Variants in ERC1 observed in about 807,000 individuals in gnomAD.
ERC1 encodes the protein ELKS/RAB6-interacting/CAST family member 1.
A neutral mutation model predicts 132.0 loss-of-function variants in ERC1; 56 were observed. That is an observed-to-expected ratio of 0.42 (90% CI 0.34 to 0.53). The LOEUF is 0.53. ERC1 is among the 20% of genes least tolerant of loss of function. ERC1 has a pLI of 0.03. For missense variants in ERC1, 1,202 were observed against 1,349.9 expected, an observed-to-expected ratio of 0.89 and a Z score of 1.72; for synonymous variants, 478 against 476.1, an observed-to-expected ratio of 1.00 and a Z score of -0.05.
intron 7 of ERC1, among the ~76,000 whole-genome samples, chr12:1,127,353 T>C (rs555573251): frequency 6.6e-6 from 1 of 152,258 alleles, no homozygotes; most frequent in Admixed American, 6.5e-5. Flanking sequence ...CACAGTATTA[T>C]TTGTGGGAAG....
At chr12:1,485,086 G>A (rs998468864) in intron 18 of ERC1, among the ~76,000 whole-genome samples, 8 of 149,872 alleles carry the variant, frequency 5.3e-5, no homozygotes, top group South Asian at 2.1e-4. Flanking sequence ...ATGGGGTCTC[G>A]CTGTGTTGCG....
chr12:1,005,447 C>T (rs1180298165), intron 1 of ERC1, among the ~76,000 whole-genome samples: 1 of 152,136 alleles, frequency 6.6e-6, no homozygotes, highest in Non-Finnish European at 1.5e-5. Context: ...GGCCCCTTTT[C>T]TAAACTTTTA....
chr12:1,148,011 C>T (rs192776138), intron 8 of ERC1, among the ~76,000 whole-genome samples: 15 of 152,156 alleles, frequency 9.9e-5, no homozygotes, highest in Admixed American at 2.6e-4. Flanking sequence ...TGAAAGATTG[C>T]GTGGGTCTTC....
At chr12:1,230,975 G>A (rs148520868) in intron 12 of ERC1, among the ~76,000 whole-genome samples, 103 of 152,092 alleles carry the variant, frequency 6.8e-4, no homozygotes, top group African/African-American at 2.4e-3. Context: ...TGAGTCTCTT[G>A]TAGCCAACAT....
At chr12:1,325,895 A>G (rs1283480339) in intron 15 of ERC1, among the ~76,000 whole-genome samples, 1 of 151,806 alleles carries the variant, frequency 6.6e-6, no homozygotes, top group Non-Finnish European at 1.5e-5. Flanking sequence ...TCATTTCTTT[A>G]TTTGATCAAT....
chr12:1,394,199 G>T (rs4766372), intron 16 of ERC1, among the ~76,000 whole-genome samples: 131 of 151,360 alleles, frequency 8.7e-4, no homozygotes, highest in African/African-American at 3.0e-3. Context: ...AGGAGATCGA[G>T]ACCATCCTGG....
intron 1 of ERC1, among the ~76,000 whole-genome samples, chr12:1,012,279 A>G (rs34852282): frequency 0.029 from 4,394 of 152,206 alleles, 91 homozygotes; most frequent in Non-Finnish European, 0.048. Context: ...GGGTTCCTAT[A>G]ATTTTTCACT....
intron 15 of ERC1, among the ~76,000 whole-genome samples, chr12:1,361,560 T>TA (rs1353045517): frequency 6.6e-6 from 1 of 152,208 alleles, no homozygotes; most frequent in Non-Finnish European, 1.5e-5. Flanking sequence ...CCAGGAGCCC[T>TA]GCTACCTTCT....
At position 1,040,734 on chromosome 12, in the gene ERC1, C is replaced by T. The variant is rs552902560; in HGVS notation, c.669+12162C>T. Among the ~76,000 whole-genome samples the T allele has an allele frequency of 3.9e-5, 6 of 152,254 alleles. No homozygotes were observed. In the South Asian group the frequency reaches 8.3e-4, roughly 21 times the overall value. On this transcript the variant is annotated intron_variant, in intron 2 of 18. Coordinates refer to ENST00000360905, the MANE Select transcript of ERC1 (RefSeq NM_178040.4). ...CCCTTTATTTTGCCAGTCTTTTCTACGTAATAGGCTTTCCTTCCTAATACT... is the reference window on the plus strand; with the variant it reads ...CCCTTTATTTTGCCAGTCTTTTCTATGTAATAGGCTTTCCTTCCTAATACT...
chr12:1,294,302 T>G (rs2079742341), intron 15 of ERC1, among the ~76,000 whole-genome samples: 1 of 152,204 alleles, frequency 6.6e-6, no homozygotes, highest in East Asian at 1.9e-4. Context: ...CTTTTTAAGA[T>G]CAGACATAAC....
chr12:1,288,292 T>G (rs1004569836), intron 14 of ERC1, among the ~76,000 whole-genome samples: 3 of 152,242 alleles, frequency 2.0e-5, no homozygotes, highest in African/African-American at 7.2e-5. Context: ...TGTTTGTTTG[T>G]TTAGTAGAGA....
chr12:1,008,487 G>A (rs141467110), intron 1 of ERC1, among the ~76,000 whole-genome samples: 8,116 of 151,888 alleles, frequency 0.053, 358 homozygotes, highest in Admixed American at 0.15. Flanking sequence ...ATGTTGCCCA[G>A]GCTGGTCTCG....
At chr12:1,413,641 T>A (rs1008636063) in intron 17 of ERC1, among the ~76,000 whole-genome samples, 8 of 152,140 alleles carry the variant, frequency 5.3e-5, no homozygotes, top group African/African-American at 1.2e-4. Flanking sequence ...GTTCTCTCTC[T>A]CACATGTCAT....
chr12:1,399,465 G>A (rs74982073), intron 16 of ERC1, among the ~76,000 whole-genome samples: 15 of 152,180 alleles, frequency 9.9e-5, no homozygotes, highest in Admixed American at 4.6e-4. Context: ...TTATTTCAGT[G>A]TCATCGCTTT....
intron 12 of ERC1, among the ~76,000 whole-genome samples, chr12:1,198,560 T>G (rs184982064): frequency 9.8e-5 from 15 of 152,368 alleles, no homozygotes; most frequent in African/African-American, 3.4e-4. Context: ...TTTTATCTTC[T>G]TTGCTAACCA....
At chr12:1,456,908 A>G (rs1427109049) in intron 18 of ERC1, among the ~76,000 whole-genome samples, 6 of 152,214 alleles carry the variant, frequency 3.9e-5, no homozygotes, top group Admixed American at 1.3e-4. Context: ...AGAAAAAATA[A>G]GGTGAAGCCA....
chr12:1,405,180 T>TAAATAAAA (rs754386786), intron 16 of ERC1, among the ~76,000 whole-genome samples: 1 of 137,290 alleles, frequency 7.3e-6, no homozygotes, highest in Non-Finnish European at 1.6e-5. Flanking sequence ...AATAAATAAA[T>TAAATAAAA]ATAAATAAAA....
At chr12:1,300,540 A>G (rs2080307538) in intron 15 of ERC1, among the ~76,000 whole-genome samples, 1 of 152,190 alleles carries the variant, frequency 6.6e-6, no homozygotes, top group Non-Finnish European at 1.5e-5. Flanking sequence ...AATGGGAGAT[A>G]ATTTTTCCAA....
At chr12:1,456,731 G>A (rs1446786577) in intron 18 of ERC1, among the ~76,000 whole-genome samples, 1 of 151,764 alleles carries the variant, frequency 6.6e-6, no homozygotes, top group East Asian at 1.9e-4. Flanking sequence ...GCAGAAGCTC[G>A]GATCTGAGTC....
Sources: gnomAD v4.1 joint callset for allele counts (sites outside exome capture counted in the v4.1 genomes callset) on GRCh38, gnomAD v4.1.1 for gene constraint, MANE v1.5 for transcripts, NCBI Gene and HGNC (gene_info 2026-07-23, HGNC 2026-07-21) for gene names.